DIXDC1: variants seen among roughly 807,000 people sequenced by gnomAD.
DIXDC1 encodes dixin.
In DIXDC1, 64 loss-of-function variants were observed where a neutral mutation model predicts 103.1. The ratio of observed to expected loss-of-function variants is 0.62; its 90% CI spans 0.51 to 0.76. DIXDC1 has a LOEUF of 0.76. Among genes scored for constraint, DIXDC1 ranks in the 30% least tolerant of loss-of-function variants. The probability of loss-of-function intolerance (pLI) is 0.00; values close to 1 mark genes in which losing one functional copy is unlikely to be tolerated. For missense variants in DIXDC1, 759 were observed against 834.2 expected (o/e 0.91, Z 1.11); for synonymous variants, 266 against 298.5 (o/e 0.89, Z 1.12).
At chr11:111,990,382 C>T (rs1217514604) in intron 10 of DIXDC1, among the ~76,000 whole-genome samples, 2 of 151,946 alleles carry the variant, frequency 1.3e-5, no homozygotes, top group African/African-American at 4.8e-5. Flanking sequence ...TGAGCCACCA[C>T]GCCCGACCTC....
intron 17 of DIXDC1, among the ~76,000 whole-genome samples, chr11:112,006,402 G>C (rs1181535709): frequency 6.6e-6 from 1 of 152,156 alleles, no homozygotes; most frequent in Non-Finnish European, 1.5e-5. Flanking sequence ...ATACTTAAAC[G>C]TCCCTGTCTG....
intron 17 of DIXDC1, among the ~76,000 whole-genome samples, chr11:112,006,931 A>G (rs1295183173): frequency 6.6e-6 from 1 of 152,238 alleles, no homozygotes; most frequent in Non-Finnish European, 1.5e-5. Flanking sequence ...CTCACCAGCA[A>G]GGGAACAAAG....
intron 2 of DIXDC1, among the ~76,000 whole-genome samples, chr11:111,931,401 G>A (rs1318257099): frequency 6.6e-6 from 1 of 151,862 alleles, no homozygotes; most frequent in Non-Finnish European, 1.5e-5. Flanking sequence ...TGTAATCCCA[G>A]CACTTTGGGA....
At chr11:111,981,047 G>C (rs1415563594) in intron 6 of DIXDC1, among the ~76,000 whole-genome samples, 198 bp downstream of exon 6, 1 of 150,980 alleles carries the variant, frequency 6.6e-6, no homozygotes, top group Non-Finnish European at 1.5e-5. Context: ...TGATATCCTA[G>C]CTGTCAAAAA....
Position 111,974,237 on chromosome 11 carries a change from C to T in DIXDC1, c.531C>T (p.Val177=), listed in dbSNP as rs587683500. 1.9e-6 allele frequency: 3 copies of T among 1,613,376 alleles called. No homozygotes were observed. The highest frequency in any genetic ancestry group is 1.7e-6 in the Non-Finnish European group (2 of 1,179,694). Residue 177 remains valine (V), a synonymous_variant, in exon 4 of 20, where the codon GTC becomes GTT. Transcript: ENST00000440460. ...CHDMSRSGRD[V]FRYRQRNSSM... is the part of the protein sequence containing the mutation. ...ACATGTCCCGATCAGGACGGGATGTCTTTCGATATAGACAGAGGTAAGGGT... is the reference window on the plus strand; with the variant it reads ...ACATGTCCCGATCAGGACGGGATGTTTTTCGATATAGACAGAGGTAAGGGT...
In DIXDC1 at chr11:111,964,604, C is replaced by T; in HGVS notation, c.116C>T (p.Ala39Val). ...WVNAQLKKRP[A>V]VKPVQDLRQD... ...AATGCACAGCTGAAGAAGAGGCCAGCAGTGAAGCCTGTGCAGGACCTGCGA... is the reference window on the plus strand; with the variant it reads ...AATGCACAGCTGAAGAAGAGGCCAGTAGTGAAGCCTGTGCAGGACCTGCGA... Residue 39 changes from alanine to valine, a missense_variant, in exon 2 of 20, where the codon GCA (alanine) becomes GTA (valine). Transcript: ENST00000440460. The T allele has an allele frequency of 1.9e-6, 3 of 1,611,686 alleles. No homozygotes were observed. Among genetic ancestry groups the T allele is most frequent in the Non-Finnish European group, 2.5e-6 (3 of 1,178,964 alleles).
At position 111,968,621 on chromosome 11, in the gene DIXDC1, A is replaced by C; in HGVS notation, c.299A>C (p.His100Pro). 1 of 1,609,830 alleles carries C rather than the reference A, an allele frequency of 6.2e-7. No homozygotes were observed. The highest frequency in any genetic ancestry group is 8.5e-7 in the Non-Finnish European group (1 of 1,177,920). ...GTGGCCTCTAAAAAGATTCGTATGCACCAGACTTCGGCTAAAGGTCAGTGC... is the reference window on the plus strand; with the variant it reads ...GTGGCCTCTAAAAAGATTCGTATGCCCCAGACTTCGGCTAAAGGTCAGTGC... ...QFVASKKIRM[H>P]QTSAKDIVDG... is the part of the protein sequence containing the mutation. Residue 100 changes from histidine to proline, a missense_variant, in exon 3 of 20, where the codon CAC becomes CCC. Transcript: ENST00000440460.
intron 19 of DIXDC1, 45 bp from the exon 20 acceptor site, chr11:112,018,911 C>G (rs650461): frequency 0.4 from 620,177 of 1,535,612 alleles, 132,460 homozygotes; most frequent in African/African-American, 0.78. Flanking sequence ...TTTAGTGAAT[C>G]AGATTCCCTG....
chr11:111,973,545 G>A (rs1441799208), intron 3 of DIXDC1, among the ~76,000 whole-genome samples: 3 of 152,142 alleles, frequency 2.0e-5, no homozygotes, highest in African/African-American at 7.2e-5. Context: ...TCAGACTAGT[G>A]ACTTTTTAAG....
intron 1 of DIXDC1, among the ~76,000 whole-genome samples, chr11:111,938,949 T>C (rs1966316528): frequency 6.6e-6 from 1 of 152,252 alleles, no homozygotes; most frequent in African/African-American, 2.4e-5. Flanking sequence ...CAAAGAGCTG[T>C]AGTCTAAGAG....
At chr11:111,949,079 A>G (rs1281757557) in intron 1 of DIXDC1, among the ~76,000 whole-genome samples, 65 of 152,244 alleles carry the variant, frequency 4.3e-4, no homozygotes, top group Admixed American at 1.0e-3. Context: ...ATTTCCTCGC[A>G]GGGTCAATGT....
chr11:111,981,953 C>T (rs1159081598), intron 6 of DIXDC1, among the ~76,000 whole-genome samples: 3 of 152,188 alleles, frequency 2.0e-5, no homozygotes, highest in Admixed American at 2.0e-4. Flanking sequence ...TCTAAAGCTT[C>T]AGAGTAACCA....
At position 112,020,431 on chromosome 11, in the gene DIXDC1, CTTG is replaced by C. The variant is rs1162283705; in HGVS notation, c.*1401_*1403del. On this transcript the variant is annotated 3_prime_UTR_variant, in exon 20 of 20. Coordinates refer to ENST00000440460, the MANE Select transcript of DIXDC1 (RefSeq NM_001037954.4). ...ACTCTTTGGAGCTCTGAGATGACAT[CTTG>C]TTGTTTTATATAGATGTATCTTTTA... 2 of 152,618 alleles carry C rather than the reference CTTG, an allele frequency of 1.3e-5. No individual in the cohort carries two copies. Among genetic ancestry groups the C allele is most frequent in the African/African-American group, 4.8e-5 (2 of 41,448 alleles). The allele number at this position is 152,618 out of a possible 1,614,324, so 9.5% of individuals were successfully genotyped here. A position where few individuals can be genotyped will look rare whatever the true frequency, so the allele number is the denominator to read the frequency against.
intron 2 of DIXDC1, among the ~76,000 whole-genome samples, chr11:111,966,508 A>C (rs1020053995): frequency 1.3e-4 from 18 of 141,792 alleles, no homozygotes; most frequent in Non-Finnish European, 2.1e-4. Flanking sequence ...GGTTCACGCC[A>C]TTCTCCTGCC....
chr11:111,992,906 A>G, intron 11 of DIXDC1, 45 bp from the exon 12 acceptor site: 2 of 1,562,660 alleles, frequency 1.3e-6, no homozygotes, highest in Non-Finnish European at 1.7e-6. Context: ...CTTGAGGGTT[A>G]GCAGGCAGTA....
intron 2 of DIXDC1, among the ~76,000 whole-genome samples, chr11:111,967,348 C>T (rs1859771744): frequency 6.6e-6 from 1 of 152,326 alleles, no homozygotes; most frequent in East Asian, 1.9e-4. Context: ...TATCATTTGC[C>T]TAGGTGTTAA....
chr11:111,941,866 A>ACACC (rs1566459676), intron 1 of DIXDC1, among the ~76,000 whole-genome samples: 1 of 151,782 alleles, frequency 6.6e-6, no homozygotes, highest in African/African-American at 2.4e-5. Flanking sequence ...ACACACACAC[A>ACACC]CACACACCCA....
intron 1 of DIXDC1, among the ~76,000 whole-genome samples, chr11:111,938,940 A>C (rs149378671): frequency 6.6e-6 from 1 of 152,372 alleles, no homozygotes; most frequent in East Asian, 1.9e-4. Context: ...GATTGTTAAC[A>C]AAGAGCTGTA....
At chr11:111,929,849 T>C in exon 2 of DIXDC1, 1 of 1,535,378 alleles carries the variant, frequency 6.5e-7, no homozygotes, top group Non-Finnish European at 8.7e-7. Flanking sequence ...TAGGGACTCT[T>C]GAAGATGGGG....
Sources: allele counts gnomAD v4.1 joint callset (sites outside exome capture counted in the v4.1 genomes callset), GRCh38; gene constraint gnomAD v4.1.1; transcripts MANE v1.5; gene names NCBI Gene and HGNC (gene_info 2026-07-23, HGNC 2026-07-21).